The following RALGAPA1 variants were observed in gnomAD, a reference collection of about 807,000 sequenced individuals.
RALGAPA1 encodes ral GTPase-activating protein subunit alpha-1.
In RALGAPA1, 52 loss-of-function variants were observed where a neutral mutation model predicts 269.6. The ratio of observed to expected loss-of-function variants is 0.19; its 90% CI spans 0.15 to 0.24. The LOEUF (loss-of-function observed/expected upper bound fraction) is 0.24. Ranked by LOEUF, RALGAPA1 falls within the 10% of genes least tolerant of loss-of-function variation. RALGAPA1 has a pLI of 1.00. For missense variants in RALGAPA1, 1,917 were observed against 3,013.9 expected (o/e 0.64, Z 8.52); for synonymous variants, 817 against 1,008.3 (o/e 0.81, Z 3.60).
chr14:35,641,309 G>A (rs1449650097), intron 31 of RALGAPA1, among the ~76,000 whole-genome samples: 2 of 152,144 alleles, frequency 1.3e-5, no homozygotes, highest in African/African-American at 2.4e-5. Flanking sequence ...AATTATCCTT[G>A]TTTGCTGACG....
chr14:35,742,587 A>G (rs1210129641), intron 10 of RALGAPA1, 22 bp from the exon 11 acceptor site: 1 of 1,536,558 alleles, frequency 6.5e-7, no homozygotes, highest in Non-Finnish European at 9.0e-7. Flanking sequence ...AAGGAGAATC[A>G]AGATAATGAT....
chr14:35,682,469 T>G (rs147946388), intron 21 of RALGAPA1, among the ~76,000 whole-genome samples: 3,390 of 151,928 alleles, frequency 0.022, 125 homozygotes, highest in South Asian at 0.14. Flanking sequence ...CCTGGCTAAT[T>G]TTTGTTTTTT....
intron 28 of RALGAPA1, among the ~76,000 whole-genome samples, chr14:35,656,605 CA>C (rs1462495915): frequency 2.6e-5 from 4 of 152,290 alleles, no homozygotes; most frequent in African/African-American, 9.6e-5. Flanking sequence ...TCAAAACAGT[CA>C]CCTTCTTCTA....
Position 35,605,551 on chromosome 14 carries a change from A to G in RALGAPA1, c.7053+35T>C, listed in dbSNP as rs780742178. ...AAAAGAAAAATAAGCTTATGCTTCC[A>G]AATATAAATATTTCGTATAATTTAA... On this transcript the variant is annotated intron_variant, in intron 36 of 41. Coordinates refer to ENST00000680220, the MANE Select transcript of RALGAPA1 (RefSeq NM_001346249.2). The G allele has an allele frequency of 1.9e-6, 3 of 1,543,344 alleles. No individual in the cohort carries two copies. The Admixed American group carries it at 6.6e-5, about 34-fold the overall frequency.
chr14:35,599,182 G>A (rs756090811), intron 36 of RALGAPA1, among the ~76,000 whole-genome samples: 1 of 152,168 alleles, frequency 6.6e-6, no homozygotes, highest in Admixed American at 6.5e-5. Context: ...ATTAGACAGT[G>A]TTATAATTTT....
chr14:35,724,343 C>A (rs2069695351), intron 14 of RALGAPA1, among the ~76,000 whole-genome samples: 1 of 151,836 alleles, frequency 6.6e-6, no homozygotes, highest in African/African-American at 2.4e-5. Flanking sequence ...CTACTCTTGG[C>A]CAAGAATTAG....
intron 12 of RALGAPA1, among the ~76,000 whole-genome samples, chr14:35,736,863 C>T (rs528973660): frequency 1.3e-5 from 2 of 151,904 alleles, no homozygotes; most frequent in Admixed American, 6.6e-5. Context: ...TGGCAAAAAC[C>T]CATCTCTACT....
At chr14:35,743,594 C>T (rs1181065606) in intron 10 of RALGAPA1, among the ~76,000 whole-genome samples, 1 of 152,130 alleles carries the variant, frequency 6.6e-6, no homozygotes, top group African/African-American at 2.4e-5. Context: ...AGTGGTTCTC[C>T]TGCCTCTGTC....
chr14:35,686,772 C>T (rs1218986181), intron 18 of RALGAPA1, 106 bp from the exon 19 acceptor site: 1 of 511,054 alleles, frequency 2.0e-6, no homozygotes, highest in Non-Finnish European at 3.4e-6. Context: ...CAATTATTTG[C>T]CAAACATGCA....
intron 29 of RALGAPA1, 97 bp from the exon 30 acceptor site, chr14:35,654,574 A>G: frequency 5.1e-6 from 7 of 1,363,586 alleles, no homozygotes; most frequent in Non-Finnish European, 6.8e-6. Context: ...CATTTGTAGG[A>G]TTATAAATCC....
At position 35,721,021 on chromosome 14, in the gene RALGAPA1, C is replaced by T. The variant is rs531050095; in HGVS notation, c.2266+667G>A. ...GATTAGGAAAAAGCCCTCCTTATTT[C>T]TCATTGCAGTGCTTTTTCTACTATA... On this transcript the variant is annotated intron_variant, in intron 16 of 41. Transcript: ENST00000680220. Among the ~76,000 whole-genome samples the T allele has an allele frequency of 2.4e-3, 367 of 152,308 alleles. 1 individual carries two copies. Among genetic ancestry groups the T allele is most frequent in the Non-Finnish European group, 4.2e-3 (286 of 68,030 alleles).
chr14:35,687,373 G>C (rs950656956), intron 18 of RALGAPA1, among the ~76,000 whole-genome samples: 6 of 152,082 alleles, frequency 3.9e-5, no homozygotes, highest in African/African-American at 1.2e-4. Context: ...TCTCTGCAAT[G>C]AAAGGAAAAT....
At chr14:35,559,979 A>G (rs1009479669) in intron 39 of RALGAPA1, among the ~76,000 whole-genome samples, 5 of 152,218 alleles carry the variant, frequency 3.3e-5, no homozygotes, top group Non-Finnish European at 5.9e-5. Context: ...ACATTTAGAG[A>G]TCTTAGTCTC....
In RALGAPA1 at chr14:35,757,986, C is replaced by T. The variant is rs1032902010; in HGVS notation, c.548-1078G>A. Among the ~76,000 whole-genome samples, 6 of 152,060 alleles carry T rather than the reference C, an allele frequency of 3.9e-5. No individual in the cohort carries two copies. The South Asian group carries it at 6.2e-4, about 16-fold the overall frequency. ...ACTTTAGGCTGGGCGCAGTGGCTCA[C>T]GCCTATAATCCCAACACTTTGGGAG... On this transcript the variant is annotated intron_variant, in intron 6 of 41. Coordinates refer to ENST00000680220, the MANE Select transcript of RALGAPA1 (RefSeq NM_001346249.2).
intron 31 of RALGAPA1, among the ~76,000 whole-genome samples, chr14:35,648,706 G>A (rs2062623467): frequency 6.6e-6 from 1 of 152,166 alleles, no homozygotes; most frequent in Non-Finnish European, 1.5e-5. Flanking sequence ...GCTGAGGTGG[G>A]AGGATCACTT....
intron 36 of RALGAPA1, among the ~76,000 whole-genome samples, chr14:35,602,013 AC>A (rs2139133714): frequency 6.6e-6 from 1 of 152,144 alleles, no homozygotes; most frequent in Non-Finnish European, 1.5e-5. Context: ...CCATTAACCT[AC>A]TTTCTGTCTC....
At chr14:35,802,723 C>T (rs535808445) in intron 1 of RALGAPA1, among the ~76,000 whole-genome samples, 6 of 151,478 alleles carry the variant, frequency 4.0e-5, no homozygotes, top group African/African-American at 1.2e-4. Flanking sequence ...ACTGTGTCAC[C>T]CAGGCTGGAG....
chr14:35,581,454 C>T (rs970592397), intron 37 of RALGAPA1, among the ~76,000 whole-genome samples: 3 of 152,214 alleles, frequency 2.0e-5, no homozygotes, highest in East Asian at 3.9e-4. Flanking sequence ...CTTGGAGAAT[C>T]GCAGTATCAG....
rs148266372 is a variant in RALGAPA1 at position 35,677,991 on chromosome 14, T to C, written c.4583A>G (p.Glu1528Gly). 1.7e-3 allele frequency: 2,746 copies of C among 1,613,704 alleles called. 61 individuals carry two copies. The Admixed American group carries it at 0.041, about 24-fold the overall frequency. Residue 1528 changes from glutamate to glycine, a missense_variant, in exon 22 of 42, where the codon GAG becomes GGG. Glu to Gly is a moderately conservative substitution (Grantham distance 98, BLOSUM62 -2). Transcript: ENST00000680220. ...HMEQKDLQLD[E>G]KLHHSVLQTP... is the part of the protein sequence containing the mutation. ...CTGAAGAACAGAGTGGTGGAGCTTC[T>C]CGTCGAGCTGCAGATCCTTCTGTTC...
Sources: allele counts gnomAD v4.1 joint callset (sites outside exome capture counted in the v4.1 genomes callset), GRCh38; gene constraint gnomAD v4.1.1; transcripts MANE v1.5; gene names NCBI Gene and HGNC (gene_info 2026-07-23, HGNC 2026-07-21).